WDR41: variants seen among roughly 807,000 people sequenced by gnomAD.
WDR41 encodes WD repeat domain 41.
Under a neutral mutation model 69.3 loss-of-function variants are expected in WDR41, and 63 were observed. The observed-to-expected ratio is 0.91, with a 90% CI of 0.74 to 1.12. The LOEUF is 1.12. Among genes scored for constraint, WDR41 ranks in the 50% most tolerant of loss-of-function variants. The pLI is 0.00. For synonymous variants in WDR41, 185 were observed against 192.1 expected (o/e 0.96, Z 0.31); for missense variants, 543 against 534.5 (o/e 1.02, Z -0.16).
chr5:77,548,160 A>T (rs61156096), intron 1 of WDR41, among the ~76,000 whole-genome samples: 2,803 of 152,354 alleles, frequency 0.018, 36 homozygotes, highest in African/African-American at 0.034. Context: ...TAAATCTAAG[A>T]CCTGAAACTA....
intron 1 of WDR41, among the ~76,000 whole-genome samples, chr5:77,600,495 CTA>C (rs1229327702): frequency 8.6e-5 from 13 of 152,026 alleles, no homozygotes; most frequent in Admixed American, 3.9e-4. Flanking sequence ...TAAAAATATC[CTA>C]TATATTGATT....
In WDR41 at chr5:77,445,209, C is replaced by G. The variant is rs539524225; in HGVS notation, c.698-4212G>C. On this transcript the variant is annotated intron_variant, in intron 8 of 12. Coordinates refer to ENST00000296679, the MANE Select transcript of WDR41 (RefSeq NM_018268.4). ...TGAATAAATTCCTGGACACATACAC[C>G]CTCCCAAGACTAAACCAGTAAGAAG... Among the ~76,000 whole-genome samples the G allele has an allele frequency of 1.3e-4, 20 of 152,076 alleles. No individual in the cohort carries two copies. The South Asian group carries it at 4.0e-3, about 30-fold the overall frequency.
chr5:77,610,174 T>C (rs1430573339), intron 1 of WDR41, among the ~76,000 whole-genome samples: 2 of 152,242 alleles, frequency 1.3e-5, no homozygotes, highest in South Asian at 4.1e-4. Context: ...ACCAAATCTA[T>C]GTCTGATTGC....
chr5:77,450,975 T>C lies in WDR41; in HGVS notation c.586+316A>G, dbSNP rs907813685. On this transcript the variant is annotated intron_variant, in intron 7 of 12. Coordinates refer to ENST00000296679, the MANE Select transcript of WDR41 (RefSeq NM_018268.4). ...TTTCAGTCAATAGAAAAGAGAACTC[T>C]TTCTGATACACATTGAACTTATGGG... 5.3e-5 allele frequency among the ~76,000 whole-genome samples: 8 copies of C among 152,206 alleles called. No individual in the cohort carries two copies. The East Asian group carries it at 1.5e-3, about 29-fold the overall frequency.
chr5:77,596,492 G>A (rs914386918), intron 1 of WDR41, among the ~76,000 whole-genome samples: 1 of 151,896 alleles, frequency 6.6e-6, no homozygotes, highest in Non-Finnish European at 1.5e-5. Context: ...CTATTACTTT[G>A]AGACTTTTTT....
chr5:77,597,087 T>A (rs1229963318), intron 1 of WDR41, among the ~76,000 whole-genome samples: 4 of 151,044 alleles, frequency 2.6e-5, no homozygotes, highest in Non-Finnish European at 5.9e-5. Flanking sequence ...TGTGCCACTG[T>A]AATCTAGCCT....
intron 2 of WDR41, among the ~76,000 whole-genome samples, chr5:77,480,441 T>C (rs1581752699): frequency 6.6e-6 from 1 of 152,046 alleles, no homozygotes; most frequent in African/African-American, 2.4e-5. Context: ...CCAACAATGA[T>C]AGACTGGATT....
intron 1 of WDR41, among the ~76,000 whole-genome samples, chr5:77,537,995 A>G (rs1743020259): frequency 6.6e-6 from 1 of 152,108 alleles, no homozygotes; most frequent in African/African-American, 2.4e-5. Context: ...ACCTGCATAG[A>G]TTGTGTAGAT....
rs751232069 is a variant in WDR41, at chr5:77,463,213, A to G, written c.230T>C (p.Leu77Pro). ...TTGAGTGTGTCCATTCAGTTCTAAA[A>G]GTTTTTCCCCTGTCTGAAATACCAA... ...VVWNAQTGEK[L>P]LELNGHTQKI... Residue 77 changes from leucine to proline, a missense_variant, in exon 4 of 13, where the codon CTT becomes CCT. By Grantham distance (98) the Leu-to-Pro change is moderately conservative. Transcript: ENST00000296679. The G allele has an allele frequency of 1.9e-6, 3 of 1,608,150 alleles. No homozygotes were observed. The highest frequency in any genetic ancestry group is 2.5e-6 in the Non-Finnish European group (3 of 1,177,932).
intron 1 of WDR41, among the ~76,000 whole-genome samples, chr5:77,562,192 C>T (rs531879186): frequency 6.6e-5 from 10 of 152,268 alleles, no homozygotes; most frequent in Non-Finnish European, 1.5e-4. Flanking sequence ...TCACAGGCTG[C>T]AAGGTGCTTT....
chr5:77,602,940 C>CTTTTTTTTTTTTTTT (rs576335451), intron 1 of WDR41, among the ~76,000 whole-genome samples: 2 of 137,186 alleles, frequency 1.5e-5, no homozygotes, highest in Non-Finnish European at 1.6e-5. Flanking sequence ...ATTTTTTTGT[C>CTTTTTTTTTTTTTTT]TTTTTTTTTT....
chr5:77,601,902 T>C (rs1265146365), intron 1 of WDR41, among the ~76,000 whole-genome samples: 1 of 152,244 alleles, frequency 6.6e-6, no homozygotes, highest in Non-Finnish European at 1.5e-5. Flanking sequence ...GAATGTGTAA[T>C]GATCAAGTCA....
chr5:77,436,864 C>T (rs1798955001), intron 11 of WDR41, among the ~76,000 whole-genome samples: 1 of 152,088 alleles, frequency 6.6e-6, no homozygotes, highest in Non-Finnish European at 1.5e-5. Context: ...TTTATTCAAC[C>T]CTTCAGAGTT....
intron 1 of WDR41, among the ~76,000 whole-genome samples, chr5:77,537,221 T>C (rs1222197396): frequency 6.6e-6 from 1 of 152,194 alleles, no homozygotes; most frequent in Non-Finnish European, 1.5e-5. Flanking sequence ...TGTTAACCAT[T>C]GCGTTCGGAA....
At chr5:77,555,595 C>T (rs1366888371) in intron 1 of WDR41, among the ~76,000 whole-genome samples, 5 of 152,100 alleles carry the variant, frequency 3.3e-5, no homozygotes, top group Non-Finnish European at 5.9e-5. Context: ...CAGGTGTGAG[C>T]CACCCCGCCT....
At chr5:77,475,644 G>A (rs1166716247) in intron 2 of WDR41, among the ~76,000 whole-genome samples, 1 of 152,034 alleles carries the variant, frequency 6.6e-6, no homozygotes, top group Non-Finnish European at 1.5e-5. Context: ...CAAACACAAA[G>A]GACATCCACA....
exon 1 of WDR41, chr5:77,620,487 T>C (rs1272469820): frequency 2.4e-5 from 10 of 425,354 alleles, no homozygotes; most frequent in Non-Finnish European, 4.6e-5. Flanking sequence ...ACCTCACCAG[T>C]TTCCCCTGGA....
chr5:77,467,467 C>T (rs1425850696), intron 2 of WDR41, among the ~76,000 whole-genome samples: 2 of 152,070 alleles, frequency 1.3e-5, no homozygotes, highest in East Asian at 3.9e-4. Flanking sequence ...AATTGTAAGA[C>T]ACTCTTATTT....
chr5:77,593,985 C>G (rs11959866), intron 1 of WDR41, among the ~76,000 whole-genome samples: 30,106 of 151,588 alleles, frequency 0.2, 4,738 homozygotes, highest in African/African-American at 0.42. Context: ...AGAAAGGGGG[C>G]AGGACTACCT....
Sources: allele counts gnomAD v4.1 joint callset (sites outside exome capture counted in the v4.1 genomes callset), GRCh38; gene constraint gnomAD v4.1.1; transcripts MANE v1.5; gene names NCBI Gene and HGNC (gene_info 2026-07-23, HGNC 2026-07-21).